The following CLEC16A variants were observed in gnomAD, a reference collection of about 807,000 sequenced individuals.
CLEC16A encodes the protein protein CLEC16A.
Under a neutral mutation model 109.5 loss-of-function variants are expected in CLEC16A, and 51 were observed. The observed-to-expected ratio is 0.47, with a 90% confidence interval of 0.37 to 0.59. CLEC16A has a LOEUF of 0.59. CLEC16A is among the 20% of genes least tolerant of loss of function. CLEC16A has a pLI of 0.00. For synonymous variants in CLEC16A, 673 were observed against 564.2 expected, an observed-to-expected ratio of 1.19 and a Z score of -2.73; for missense variants, 1,339 against 1,394.0, an observed-to-expected ratio of 0.96 and a Z score of 0.63.
intron 19 of CLEC16A, among the ~76,000 whole-genome samples, chr16:11,115,349 C>T (rs761964783): frequency 1.4e-4 from 22 of 152,130 alleles, no homozygotes; most frequent in Non-Finnish European, 2.6e-4. Flanking sequence ...TTAAAAGATT[C>T]CCACTGAGAA....
chr16:11,059,663 A>G (rs2048379253), intron 18 of CLEC16A, among the ~76,000 whole-genome samples: 1 of 152,154 alleles, frequency 6.6e-6, no homozygotes, highest in African/African-American at 2.4e-5. Flanking sequence ...AGAGCCATAA[A>G]CAAGAAGACC....
chr16:10,973,378 G>A (rs1331366828), intron 7 of CLEC16A, among the ~76,000 whole-genome samples: 3 of 152,170 alleles, frequency 2.0e-5, no homozygotes, highest in African/African-American at 4.8e-5. Context: ...CTGTCTGTAC[G>A]ATGGAATAGT....
rs2068867946 is a variant in CLEC16A, at chr16:11,178,797, A to G, written c.*107A>G. 2.4e-6 allele frequency: 2 copies of G among 829,174 alleles called. No homozygotes were observed. The highest frequency in any genetic ancestry group is 6.2e-5 in the Admixed American group (2 of 32,366). The allele number at this position is 829,174 out of a possible 1,614,324, so 51.4% of individuals were successfully genotyped here. Reference sequence around the variant, plus strand: ...GCACCCACCATTCTGTGCGGCCCCCAGCAGCCATCTCAACCACCTATCCCT... The same window carrying G: ...GCACCCACCATTCTGTGCGGCCCCCGGCAGCCATCTCAACCACCTATCCCT... On this transcript the variant is annotated 3_prime_UTR_variant, in exon 24 of 24. Transcript: ENST00000409790. The surrounding 1 kb of genome is among the most constrained non-coding windows in gnomAD (Gnocchi z 6.5).
chr16:10,950,324 A>G (rs1392428259), intron 1 of CLEC16A, among the ~76,000 whole-genome samples: 1 of 152,194 alleles, frequency 6.6e-6, no homozygotes, highest in East Asian at 1.9e-4. Context: ...ATAGTAAGCA[A>G]TCAACAAATA....
In CLEC16A at chr16:10,961,950, CT is replaced by C. The variant is rs909621801; in HGVS notation, c.210-497del. On this transcript the variant is annotated intron_variant, in intron 2 of 23. Coordinates refer to ENST00000409790, the MANE Select transcript of CLEC16A (RefSeq NM_015226.3). The surrounding 1 kb of genome is among the most constrained non-coding windows in gnomAD (Gnocchi z 4.3). ...CCGTAGGGCTAAAGCTTTTTGGGAA[CT>C]TTTTTTTCTTTTTTTTCTTTTTTTT... Among the ~76,000 whole-genome samples, 97 of 93,138 alleles carry C rather than the reference CT, an allele frequency of 1.0e-3. No homozygotes were observed. Among genetic ancestry groups the C allele is most frequent in the Admixed American group, 5.1e-3 (41 of 8,032 alleles). The allele number at this position is 93,138 out of a possible 152,430, so 61.1% of individuals were successfully genotyped here.
At chr16:11,173,663 C>G (rs929289368) in intron 23 of CLEC16A, among the ~76,000 whole-genome samples, 3 of 152,092 alleles carry the variant, frequency 2.0e-5, no homozygotes, top group African/African-American at 7.2e-5. Flanking sequence ...GGTCAGAAAT[C>G]TGCTTGATTC....
chr16:11,053,335 A>T (rs910302098), intron 18 of CLEC16A, among the ~76,000 whole-genome samples: 1 of 151,924 alleles, frequency 6.6e-6, no homozygotes, highest in Non-Finnish European at 1.5e-5. Flanking sequence ...ATCCTAGGAG[A>T]TTGGCACTAT....
chr16:11,044,617 G>C (rs1274568582), intron 16 of CLEC16A, among the ~76,000 whole-genome samples: 1 of 152,146 alleles, frequency 6.6e-6, no homozygotes, highest in Non-Finnish European at 1.5e-5. Context: ...TTTGTCTTCA[G>C]GTTCCAGATG....
chr16:11,178,785 T>G lies in CLEC16A; in HGVS notation c.*95T>G. 1 of 962,656 alleles carries G rather than the reference T, an allele frequency of 1.0e-6. No individual in the cohort carries two copies. Among genetic ancestry groups the G allele is most frequent in the Admixed American group, 3.0e-5 (1 of 33,166 alleles). The allele number at this position is 962,656 out of a possible 1,614,324, so 59.6% of individuals were successfully genotyped here. On this transcript the variant is annotated 3_prime_UTR_variant, in exon 24 of 24. Coordinates refer to ENST00000409790, the MANE Select transcript of CLEC16A (RefSeq NM_015226.3). This position sits in a 1 kb window ranked among gnomAD's most constrained non-coding sequence, Gnocchi z 6.5. Reference sequence around the variant, plus strand: ...GACACACTGGGAGCACCCACCATTCTGTGCGGCCCCCAGCAGCCATCTCAA... The same window carrying G: ...GACACACTGGGAGCACCCACCATTCGGTGCGGCCCCCAGCAGCCATCTCAA...
In CLEC16A at chr16:11,023,860, C is replaced by A. The variant is rs551976599; in HGVS notation, c.1437-961C>A. The stretch of plus-strand genomic sequence containing the variant: ...CAGCCTGGCATTCAGAGGGGGCAGC[C>A]ACAGACAGTGGGAGGATCAGAGCCT... On this transcript the variant is annotated intron_variant, in intron 12 of 23. Coordinates refer to ENST00000409790, the MANE Select transcript of CLEC16A (RefSeq NM_015226.3). 1.1e-3 allele frequency among the ~76,000 whole-genome samples: 167 copies of A among 152,332 alleles called. 1 individual carries two copies. The highest frequency in any genetic ancestry group is 3.8e-3 in the African/African-American group (157 of 41,588).
intron 19 of CLEC16A, among the ~76,000 whole-genome samples, chr16:11,062,001 C>T (rs1356802211): frequency 6.6e-6 from 1 of 152,194 alleles, no homozygotes; most frequent in Non-Finnish European, 1.5e-5. Context: ...GCTTCTCTTT[C>T]CCTTTAATTC....
intron 20 of CLEC16A, among the ~76,000 whole-genome samples, chr16:11,120,980 A>G (rs1253826730): frequency 6.6e-6 from 1 of 152,208 alleles, no homozygotes; most frequent in Non-Finnish European, 1.5e-5. Flanking sequence ...AAAACGCTCG[A>G]TTCTTACACC....
chr16:11,129,351 A>G (rs768066546), intron 22 of CLEC16A, among the ~76,000 whole-genome samples: 2 of 152,214 alleles, frequency 1.3e-5, no homozygotes, highest in African/African-American at 4.8e-5. Flanking sequence ...TTTCCAAAAC[A>G]TAGAAAAAAA....
At position 11,178,007 on chromosome 16, in the gene CLEC16A, A is replaced by T. The variant is rs2068826558; in HGVS notation, c.2807-328A>T. ...AGGCAGGCCTGAGATTTGCCCACAC[A>T]TAAAGCCTGTCAGCTGGGTCTCTGC... On this transcript the variant is annotated intron_variant, in intron 23 of 23. Transcript: ENST00000409790. The surrounding 1 kb of genome is among the most constrained non-coding windows in gnomAD (Gnocchi z 6.5). Among the ~76,000 whole-genome samples the T allele has an allele frequency of 6.6e-6, 1 of 152,246 alleles. No homozygotes were observed. Among genetic ancestry groups the T allele is most frequent in the African/African-American group, 2.4e-5 (1 of 41,460 alleles).
intron 19 of CLEC16A, among the ~76,000 whole-genome samples, chr16:11,082,730 A>G (rs2049795863): frequency 6.6e-6 from 1 of 152,208 alleles, no homozygotes; most frequent in Non-Finnish European, 1.5e-5. Flanking sequence ...TTTAAGGCCT[A>G]AGACTCACAG....
chr16:10,976,129 G>A lies in CLEC16A; in HGVS notation c.729-1096G>A, dbSNP rs371943331. 8.5e-5 allele frequency among the ~76,000 whole-genome samples: 13 copies of A among 152,242 alleles called. No individual in the cohort carries two copies. The East Asian group carries it at 1.7e-3, about 20-fold the overall frequency. The stretch of plus-strand genomic sequence containing the variant: ...ATGAAAAATTTTTAAAAATAGTTGG[G>A]CATTGTAGCAGGTGCCTGTAATCTG... On this transcript the variant is annotated intron_variant, in intron 7 of 23. Coordinates refer to ENST00000409790, the MANE Select transcript of CLEC16A (RefSeq NM_015226.3).
rs137975934 is a variant in CLEC16A, at chr16:10,994,010, C to G, written c.1072-9064C>G. Among the ~76,000 whole-genome samples, 219 of 152,326 alleles carry G rather than the reference C, an allele frequency of 1.4e-3. 1 individual carries two copies. The highest frequency in any genetic ancestry group is 6.8e-3 in the Middle Eastern group (2 of 294). On this transcript the variant is annotated intron_variant, in intron 10 of 23. Transcript: ENST00000409790. ...AATTGCAGCACCATCTTGACGTTAC[C>G]TGCTCCTCATCTCAGCGTCAAGTGC...
chr16:10,994,717 A>G (rs964860176), intron 10 of CLEC16A, among the ~76,000 whole-genome samples: 1 of 152,130 alleles, frequency 6.6e-6, no homozygotes, highest in Non-Finnish European at 1.5e-5. Context: ...AAAAAAAGTG[A>G]AAAGAGTCAC....
intron 19 of CLEC16A, among the ~76,000 whole-genome samples, chr16:11,103,575 G>A (rs572419624): frequency 4.6e-5 from 7 of 152,164 alleles, no homozygotes; most frequent in Admixed American, 1.3e-4. Context: ...ACAAAACTCC[G>A]TCTCAAAAAA....
Sources: gnomAD v4.1 joint callset for allele counts (sites outside exome capture counted in the v4.1 genomes callset) on GRCh38, gnomAD v4.1.1 for gene constraint, Gnocchi (gnomAD v3.1) non-coding constraint, MANE v1.5 for transcripts, NCBI Gene and HGNC (gene_info 2026-07-23, HGNC 2026-07-21) for gene names.